DLG2: variants seen among roughly 807,000 people sequenced by gnomAD.
DLG2 encodes disks large homolog 2.
A neutral mutation model predicts 132.5 loss-of-function variants in DLG2; 45 were observed. That is an observed-to-expected ratio of 0.34 (90% confidence interval 0.27 to 0.44). The LOEUF is 0.44. DLG2 is among the 20% of genes least tolerant of loss of function. The probability of loss-of-function intolerance (pLI) is 1.00; values close to 1 mark genes in which losing one functional copy is unlikely to be tolerated. For synonymous variants in DLG2, 424 were observed against 419.6 expected (o/e 1.01, Z -0.13); for missense variants, 1,045 against 1,196.9 (o/e 0.87, Z 1.87).
At chr11:85,434,246 C>T (rs1001804850) in intron 3 of DLG2, among the ~76,000 whole-genome samples, 1 of 152,080 alleles carries the variant, frequency 6.6e-6, no homozygotes, top group Non-Finnish European at 1.5e-5. Flanking sequence ...GACACCCTAA[C>T]ATCACAGTTA....
intron 7 of DLG2, among the ~76,000 whole-genome samples, chr11:84,380,801 T>C (rs573067697): frequency 1.3e-5 from 2 of 151,988 alleles, no homozygotes; most frequent in South Asian, 4.1e-4. Context: ...CAAATAAAAT[T>C]TTAAAAATTC....
intron 17 of DLG2, among the ~76,000 whole-genome samples, chr11:83,813,311 A>G (rs1313062711): frequency 1.3e-5 from 2 of 152,228 alleles, no homozygotes; most frequent in African/African-American, 4.8e-5. Context: ...TCAGAGGAAG[A>G]CAATTTCAAA....
chr11:83,475,907 G>C (rs1219133865), intron 22 of DLG2, among the ~76,000 whole-genome samples: 3 of 152,100 alleles, frequency 2.0e-5, no homozygotes, highest in Non-Finnish European at 4.4e-5. Flanking sequence ...CTGTATGGCT[G>C]AAAGTGGGAG....
chr11:84,085,638 C>A (rs1160927475), intron 10 of DLG2, among the ~76,000 whole-genome samples: 6 of 152,176 alleles, frequency 3.9e-5, no homozygotes, highest in African/African-American at 1.4e-4. Context: ...ATGTCTCCTG[C>A]CTTCACTAGA....
At chr11:85,460,689 T>A (rs1489686318) in intron 3 of DLG2, among the ~76,000 whole-genome samples, 1 of 152,214 alleles carries the variant, frequency 6.6e-6, no homozygotes, top group Admixed American at 6.5e-5. Flanking sequence ...ACCCCTCACT[T>A]TTCAATATTT....
chr11:85,114,095 T>C (rs1383147601), intron 5 of DLG2, among the ~76,000 whole-genome samples: 2 of 152,006 alleles, frequency 1.3e-5, no homozygotes, highest in Non-Finnish European at 2.9e-5. Flanking sequence ...AGATCTAACA[T>C]GGATCAGGGA....
At chr11:85,615,291 C>T (rs1213771646) in intron 2 of DLG2, among the ~76,000 whole-genome samples, 4 of 152,050 alleles carry the variant, frequency 2.6e-5, no homozygotes, top group Non-Finnish European at 5.9e-5. Context: ...CCGAGGCAGA[C>T]GGATCACTTT....
chr11:84,499,882 C>T (rs892757680), intron 7 of DLG2, among the ~76,000 whole-genome samples: 9 of 152,098 alleles, frequency 5.9e-5, no homozygotes, highest in Admixed American at 2.0e-4. Context: ...AGGTTACTTC[C>T]GTCTAAATCC....
intron 3 of DLG2, among the ~76,000 whole-genome samples, chr11:85,515,340 G>C (rs541520223): frequency 7.8e-4 from 118 of 152,062 alleles, no homozygotes; most frequent in African/African-American, 2.8e-3. Context: ...ATGATGGCAA[G>C]AACTTGTGTA....
At chr11:84,438,131 G>A (rs569103644) in intron 7 of DLG2, among the ~76,000 whole-genome samples, 1 of 152,286 alleles carries the variant, frequency 6.6e-6, no homozygotes, top group East Asian at 1.9e-4. Context: ...GGCTGTTAGG[G>A]TGACTGGAAA....
chr11:84,902,513 T>G (rs1367108834), intron 6 of DLG2, among the ~76,000 whole-genome samples: 1 of 152,188 alleles, frequency 6.6e-6, no homozygotes, highest in Non-Finnish European at 1.5e-5. Context: ...GATATAGATC[T>G]GATCTTCACA....
chr11:85,544,174 A>T (rs1260704835), intron 3 of DLG2, among the ~76,000 whole-genome samples: 3 of 152,060 alleles, frequency 2.0e-5, no homozygotes, highest in Non-Finnish European at 4.4e-5. Context: ...TGTATAAGGT[A>T]TAAGGAAGGG....
At chr11:84,566,173 G>A (rs187666412) in intron 6 of DLG2, among the ~76,000 whole-genome samples, 4 of 151,952 alleles carry the variant, frequency 2.6e-5, no homozygotes, top group African/African-American at 9.7e-5. Flanking sequence ...ATGTTGGCCA[G>A]GCTGGTTTTG....
chr11:84,053,441 A>G (rs2154123296), intron 11 of DLG2, among the ~76,000 whole-genome samples: 1 of 152,106 alleles, frequency 6.6e-6, no homozygotes, highest in East Asian at 1.9e-4. Context: ...TAAAAGTTGA[A>G]GGAAAAAAAA....
intron 22 of DLG2, chr11:83,480,454 T>C: frequency 4.6e-6 from 7 of 1,527,604 alleles, no homozygotes; most frequent in East Asian, 2.4e-5. Context: ...TACCAAGCAT[T>C]GAAGAGCAGC....
At chr11:85,112,504 C>A (rs1028754738) in intron 5 of DLG2, among the ~76,000 whole-genome samples, 2 of 151,934 alleles carry the variant, frequency 1.3e-5, no homozygotes, top group Non-Finnish European at 2.9e-5. Flanking sequence ...ATAAGCCATA[C>A]TTTATCTTTT....
chr11:85,186,742 T>C (rs1335137531), intron 4 of DLG2, among the ~76,000 whole-genome samples: 1 of 152,100 alleles, frequency 6.6e-6, no homozygotes, highest in African/African-American at 2.4e-5. Context: ...CTGAAATCCA[T>C]AGCGGTGTAT....
chr11:84,939,042 A>T (rs1233503734), intron 6 of DLG2, among the ~76,000 whole-genome samples: 3 of 152,126 alleles, frequency 2.0e-5, no homozygotes, highest in Non-Finnish European at 4.4e-5. Context: ...ATAAATACAT[A>T]AGATAAAACA....
intron 8 of DLG2, among the ~76,000 whole-genome samples, chr11:84,185,440 G>T (rs939608311): frequency 5.3e-5 from 8 of 152,162 alleles, no homozygotes; most frequent in African/African-American, 1.7e-4. Context: ...AGACTTTGCT[G>T]AAGTTGCTTA....
Sources: allele counts gnomAD v4.1 joint callset (sites outside exome capture counted in the v4.1 genomes callset), GRCh38; gene constraint gnomAD v4.1.1; transcripts MANE v1.5; gene names NCBI Gene and HGNC (gene_info 2026-07-23, HGNC 2026-07-21).